HIBADH: variants seen among roughly 807,000 people sequenced by gnomAD.
HIBADH encodes 3-hydroxyisobutyrate dehydrogenase.
In HIBADH, 25 loss-of-function variants were observed where a neutral mutation model predicts 36.1. The observed-to-expected ratio is 0.69, with a 90% CI of 0.50 to 0.97. HIBADH has a LOEUF of 0.97. HIBADH is among the 50% of genes least tolerant of loss of function. HIBADH has a pLI of 0.00. For missense variants in HIBADH, 421 were observed against 418.0 expected (o/e 1.01, Z -0.06); for synonymous variants, 160 against 149.5 (o/e 1.07, Z -0.51).
chr7:27,614,701 T>C (rs912533655), intron 4 of HIBADH, among the ~76,000 whole-genome samples: 2 of 152,316 alleles, frequency 1.3e-5, no homozygotes, highest in Admixed American at 1.3e-4. Context: ...AATTCACAAA[T>C]CCTTATATCT....
intron 4 of HIBADH, among the ~76,000 whole-genome samples, chr7:27,580,566 G>A (rs769639835): frequency 8.5e-5 from 13 of 152,162 alleles, no homozygotes; most frequent in Non-Finnish European, 1.9e-4. Flanking sequence ...CACAAGGAAA[G>A]ATTATTTATT....
chr7:27,642,307 G>A (rs1208978269), intron 2 of HIBADH, among the ~76,000 whole-genome samples: 1 of 152,132 alleles, frequency 6.6e-6, no homozygotes, highest in Non-Finnish European at 1.5e-5. Flanking sequence ...GAAATGAAAT[G>A]ATCCTTAAGA....
chr7:27,604,047 C>T (rs1429393948), intron 4 of HIBADH, among the ~76,000 whole-genome samples: 3 of 152,068 alleles, frequency 2.0e-5, no homozygotes, highest in Non-Finnish European at 4.4e-5. Context: ...ACAGTATTGC[C>T]TTTTATATCT....
intron 7 of HIBADH, among the ~76,000 whole-genome samples, chr7:27,530,102 T>A (rs114153753): frequency 0.029 from 4,468 of 152,352 alleles, 205 homozygotes; most frequent in African/African-American, 0.1. Context: ...TTATATGTAC[T>A]GGGAAACCAA....
At chr7:27,620,699 A>C (rs1266289322) in intron 4 of HIBADH, among the ~76,000 whole-genome samples, 1 of 152,214 alleles carries the variant, frequency 6.6e-6, no homozygotes, top group Non-Finnish European at 1.5e-5. Flanking sequence ...TCATGAAAAC[A>C]CATGAAAGTA....
intron 2 of HIBADH, among the ~76,000 whole-genome samples, chr7:27,632,932 A>G (rs1234292960): frequency 6.6e-6 from 1 of 152,070 alleles, no homozygotes; most frequent in Non-Finnish European, 1.5e-5. Flanking sequence ...TGTATTTTCA[A>G]GCAAAAAAAA....
chr7:27,527,712 A>G (rs539268903), intron 7 of HIBADH, among the ~76,000 whole-genome samples: 2 of 150,112 alleles, frequency 1.3e-5, no homozygotes, highest in Non-Finnish European at 3.0e-5. Context: ...AAACTTTTTC[A>G]TTACTATTAT....
At chr7:27,559,303 C>T (rs1784434014) in intron 4 of HIBADH, among the ~76,000 whole-genome samples, 1 of 152,074 alleles carries the variant, frequency 6.6e-6, no homozygotes, top group Admixed American at 6.6e-5. Context: ...TGGGAGCCCA[C>T]AAATCAACCC....
chr7:27,558,008 T>C (rs1179692554), intron 4 of HIBADH, among the ~76,000 whole-genome samples: 1 of 152,184 alleles, frequency 6.6e-6, no homozygotes, highest in Admixed American at 6.5e-5. Context: ...TTTGGTAACA[T>C]TTTTTTCTAG....
At chr7:27,574,212 T>G (rs1421851978) in intron 4 of HIBADH, among the ~76,000 whole-genome samples, 1 of 152,014 alleles carries the variant, frequency 6.6e-6, no homozygotes, top group African/African-American at 2.4e-5. Context: ...AGAAATTAGA[T>G]AGTTGGAATT....
In HIBADH at chr7:27,531,273, A is replaced by G. The variant is rs3735571; in HGVS notation, c.771T>C (p.Tyr257=). The part of the protein sequence containing the change: ...SSGRCWSSDT[Y]NPVPGVMDGV... ...CATCCATCACTCCAGGTACAGGATT[A>G]TAAGTGTCACTTGACCAACACCGTC... The change falls in exon 7 of 8, where the codon TAT becomes TAC. Residue 257 remains tyrosine (Y), a synonymous_variant. Transcript: ENST00000265395. 2.3e-3 allele frequency: 3,681 copies of G among 1,614,094 alleles called. 137 individuals are homozygous for G. The East Asian group carries it at 0.07, about 31-fold the overall frequency.
At chr7:27,615,784 T>C (rs1785414460) in intron 4 of HIBADH, among the ~76,000 whole-genome samples, 4 of 152,210 alleles carry the variant, frequency 2.6e-5, no homozygotes. Flanking sequence ...ATAATCCTTC[T>C]ATTGATAAAG....
chr7:27,598,929 A>C (rs1422256580), intron 4 of HIBADH, among the ~76,000 whole-genome samples: 1 of 152,120 alleles, frequency 6.6e-6, no homozygotes, highest in South Asian at 2.1e-4. Flanking sequence ...TCTTTCCCAT[A>C]CAAGCTTTAT....
At chr7:27,536,225 G>A (rs561266976) in intron 6 of HIBADH, among the ~76,000 whole-genome samples, 1 of 151,840 alleles carries the variant, frequency 6.6e-6, no homozygotes, top group South Asian at 2.1e-4. Flanking sequence ...TCATTTTTAG[G>A]GTCTTTAAAC....
intron 1 of HIBADH, among the ~76,000 whole-genome samples, chr7:27,656,159 G>A (rs1219590341): frequency 6.6e-6 from 1 of 152,124 alleles, no homozygotes; most frequent in Non-Finnish European, 1.5e-5. Flanking sequence ...TAGTTTGAAA[G>A]CAGCCATAGA....
At chr7:27,530,930 G>C (rs1289391618) in intron 7 of HIBADH, among the ~76,000 whole-genome samples, 1 of 151,722 alleles carries the variant, frequency 6.6e-6, no homozygotes, top group Non-Finnish European at 1.5e-5. Context: ...AAACCCAAGT[G>C]CGCACACACA....
At chr7:27,603,224 A>G (rs532164399) in intron 4 of HIBADH, among the ~76,000 whole-genome samples, 7 of 152,156 alleles carry the variant, frequency 4.6e-5, no homozygotes, top group Non-Finnish European at 1.0e-4. Context: ...TTATATTTGT[A>G]TCTGACAACC....
At chr7:27,582,617 A>G (rs1046379562) in intron 4 of HIBADH, among the ~76,000 whole-genome samples, 2 of 152,108 alleles carry the variant, frequency 1.3e-5, no homozygotes, top group African/African-American at 4.8e-5. Flanking sequence ...ACATTATTCT[A>G]ATTGAATGCT....
chr7:27,592,630 T>A (rs1193842413), intron 4 of HIBADH, among the ~76,000 whole-genome samples: 1 of 152,030 alleles, frequency 6.6e-6, no homozygotes, highest in Non-Finnish European at 1.5e-5. Context: ...AAAAAAAACA[T>A]GCGACAACTT....
Sources: allele counts gnomAD v4.1 joint callset (sites outside exome capture counted in the v4.1 genomes callset), GRCh38; gene constraint gnomAD v4.1.1; transcripts MANE v1.5; gene names NCBI Gene and HGNC (gene_info 2026-07-23, HGNC 2026-07-21).